TGM4: variants seen among roughly 807,000 people sequenced by gnomAD.
TGM4 encodes protein-glutamine gamma-glutamyltransferase 4.
In TGM4, 61 loss-of-function variants were observed where a neutral mutation model predicts 76.3. The observed-to-expected ratio is 0.80, with a 90% confidence interval of 0.65 to 0.99. The LOEUF is 0.99. Ranked by LOEUF, TGM4 falls within the 50% of genes least tolerant of loss-of-function variation. The pLI, the probability that TGM4 is intolerant of heterozygous loss-of-function variation, is 0.00. For synonymous variants in TGM4, 337 were observed against 329.8 expected, an observed-to-expected ratio of 1.02 and a Z score of -0.24; for missense variants, 794 against 843.2, an observed-to-expected ratio of 0.94 and a Z score of 0.72.
chr3:44,913,699 C>A lies in TGM4; in HGVS notation c.2029C>A (p.Gln677Lys), dbSNP rs1222030916. The change falls in exon 14 of 14, where the codon CAG (glutamine) becomes AAG (lysine). Residue 677 changes from glutamine (Q) to lysine (K), a missense_variant. Gln to Lys is a moderately conservative substitution (Grantham distance 53, BLOSUM62 1). Transcript: ENST00000296125. Reference protein sequence around the residue: ...SSKQVKEINAQKIVLITK With the variant: ...SSKQVKEINAKKIVLITK The stretch of plus-strand genomic sequence containing the variant: ...CAAACAAGTGAAAGAGATTAATGCT[C>A]AGAAGATTGTTCTCATCACCAAGTA... 1.9e-6 allele frequency: 3 copies of A among 1,614,034 alleles called. No individual in the cohort carries two copies. In the Admixed American group the frequency reaches 5.0e-5, roughly 27 times the overall value.
intron 5 of TGM4, 43 bp from the exon 6 acceptor site, chr3:44,896,666 A>C: frequency 1.3e-6 from 2 of 1,592,656 alleles, no homozygotes; most frequent in South Asian, 2.2e-5. Context: ...TTTCTGACAC[A>C]GGGCAAAGTC....
At chr3:44,896,949 T>C in intron 6 of TGM4, 133 bp downstream of exon 6, 1 of 603,620 alleles carries the variant, frequency 1.7e-6, no homozygotes, top group Non-Finnish European at 2.9e-6. Flanking sequence ...TGTTCAAAAC[T>C]ATTAAGAAAT....
At chr3:44,880,040 C>T (rs1331524241) in intron 1 of TGM4, among the ~76,000 whole-genome samples, 1 of 151,970 alleles carries the variant, frequency 6.6e-6, no homozygotes, top group African/African-American at 2.4e-5. Context: ...CTCAAGGGAT[C>T]CCCCTGCCTC....
chr3:44,911,891 G>C (rs573896743), intron 13 of TGM4, among the ~76,000 whole-genome samples: 1 of 152,164 alleles, frequency 6.6e-6, no homozygotes, highest in Non-Finnish European at 1.5e-5. Context: ...GCAGTGACAC[G>C]ATCTTGGCTC....
chr3:44,897,945 G>A (rs550565751), intron 6 of TGM4, among the ~76,000 whole-genome samples: 57 of 152,256 alleles, frequency 3.7e-4, no homozygotes, highest in Middle Eastern at 3.4e-3. Context: ...GTTTTAGTTG[G>A]AATATATGAA....
chr3:44,913,734 G>A lies in TGM4; in HGVS notation c.*9G>A. 3 of 1,610,456 alleles carry A rather than the reference G, an allele frequency of 1.9e-6. No individual in the cohort carries two copies. The highest frequency in any genetic ancestry group is 2.5e-6 in the Non-Finnish European group (3 of 1,178,530). ...TTCTCATCACCAAGTAGCCTTGTCTGATGCTGTGGAGCCTTAGTTGAGATT... is the reference window on the plus strand; with the variant it reads ...TTCTCATCACCAAGTAGCCTTGTCTAATGCTGTGGAGCCTTAGTTGAGATT... On this transcript the variant is annotated 3_prime_UTR_variant, in exon 14 of 14. Coordinates refer to ENST00000296125, the MANE Select transcript of TGM4 (RefSeq NM_003241.4).
In TGM4 at chr3:44,875,772, CCTT is replaced by C. The variant is rs553979510; in HGVS notation, c.19+1079_19+1081del. ...CTAAGCCAGACCCTCCTAGTTTCCA[CCTT>C]CTTTTTTGGAGGGTGACATTGCGAA... On this transcript the variant is annotated intron_variant, in intron 1 of 13. Transcript: ENST00000296125. 1.2e-4 allele frequency among the ~76,000 whole-genome samples: 18 copies of C among 152,208 alleles called. 1 individual carries two copies. Among genetic ancestry groups the C allele is most frequent in the Non-Finnish European group, 2.4e-4 (16 of 68,036 alleles).
chr3:44,882,842 C>A (rs112953391), intron 1 of TGM4, among the ~76,000 whole-genome samples: 1 of 152,228 alleles, frequency 6.6e-6, no homozygotes. Flanking sequence ...TGATGGCCTG[C>A]ATTTTGTCGA....
intron 1 of TGM4, among the ~76,000 whole-genome samples, chr3:44,884,554 G>A (rs949175773): frequency 8.5e-5 from 13 of 152,056 alleles, no homozygotes; most frequent in African/African-American, 3.1e-4. Flanking sequence ...GCTTGATCTC[G>A]GCTCCTGATC....
chr3:44,879,368 G>A (rs1478126410), intron 1 of TGM4, among the ~76,000 whole-genome samples: 2 of 150,794 alleles, frequency 1.3e-5, no homozygotes, highest in African/African-American at 4.9e-5. Context: ...GTGCCATGGC[G>A]TGATCTCGGC....
At chr3:44,888,691 A>G (rs1699646283) in intron 3 of TGM4, 1 of 152,206 alleles carries the variant, frequency 6.6e-6, no homozygotes. Flanking sequence ...ACACACATAA[A>G]GGACACAAAT....
At chr3:44,899,978 T>C (rs1699830453) in intron 6 of TGM4, among the ~76,000 whole-genome samples, 1 of 152,108 alleles carries the variant, frequency 6.6e-6, no homozygotes, top group African/African-American at 2.4e-5. Flanking sequence ...ATTCTGTTGG[T>C]TAGAAGTGAG....
intron 1 of TGM4, among the ~76,000 whole-genome samples, chr3:44,879,351 G>A (rs1229570995): frequency 2.0e-5 from 3 of 149,956 alleles, no homozygotes; most frequent in Non-Finnish European, 4.4e-5. Flanking sequence ...TTATTGCCCA[G>A]GCTAGAGTGC....
In TGM4 at chr3:44,913,908, C is replaced by G. The variant is rs1264395907; in HGVS notation, c.*183C>G. On this transcript the variant is annotated 3_prime_UTR_variant, in exon 14 of 14. Coordinates refer to ENST00000296125, the MANE Select transcript of TGM4 (RefSeq NM_003241.4). ...CACAAGGCCAGGTCCTGTGCTATCA[C>G]AGGGTCACCTCTTTTACAGTTAGAA... The G allele has an allele frequency of 8.7e-6, 6 of 690,754 alleles. No homozygotes were observed. In the African/African-American group the frequency reaches 1.1e-4, roughly 13 times the overall value. 42.8% of individuals were successfully genotyped at this position (690,754 alleles called of 1,614,324 possible).
At position 44,913,597 on chromosome 3, in the gene TGM4, G is replaced by A. The variant is rs1700037998; in HGVS notation, c.1927G>A (p.Gly643Ser). ...QTSDHGTVQP[G>S]ETIQSQIKCT... ...TGAATTTTCCAGGACGGTGCAGCCTGGTGAGACCATCCAATCCCAAATAAA... is the reference window on the plus strand; with the variant it reads ...TGAATTTTCCAGGACGGTGCAGCCTAGTGAGACCATCCAATCCCAAATAAA... Residue 643 changes from glycine to serine, a missense_variant, in exon 14 of 14, where the codon GGT (glycine) becomes AGT (serine). By Grantham distance (56) the Gly-to-Ser change is moderately conservative. Transcript: ENST00000296125. 1 of 1,614,036 alleles carries A rather than the reference G, an allele frequency of 6.2e-7. No individual in the cohort carries two copies. The highest frequency in any genetic ancestry group is 8.5e-7 in the Non-Finnish European group (1 of 1,179,968).
intron 3 of TGM4, among the ~76,000 whole-genome samples, chr3:44,890,116 A>G (rs1460118926): frequency 6.6e-6 from 1 of 152,190 alleles, no homozygotes; most frequent in Non-Finnish European, 1.5e-5. Flanking sequence ...TCATGAGAAC[A>G]GCATGGGGGA....
chr3:44,876,594 C>T (rs574747731), intron 1 of TGM4: 1 of 152,132 alleles, frequency 6.6e-6, no homozygotes, highest in African/African-American at 2.4e-5. Context: ...CATGGCTTAT[C>T]CCACAACGAA....
chr3:44,879,824 G>T (rs1421484767), intron 1 of TGM4, among the ~76,000 whole-genome samples: 1 of 150,706 alleles, frequency 6.6e-6, no homozygotes, highest in Non-Finnish European at 1.5e-5. Context: ...TTGAAATAAG[G>T]TCTCACCCTG....
At chr3:44,896,982 G>A (rs1380990290) in intron 6 of TGM4, among the ~76,000 whole-genome samples, 166 bp downstream of exon 6, 2 of 150,370 alleles carry the variant, frequency 1.3e-5, no homozygotes, top group East Asian at 4.0e-4. Flanking sequence ...AATCTGTTCT[G>A]AGCGCAGGTT....
Sources: allele counts gnomAD v4.1 joint callset (sites outside exome capture counted in the v4.1 genomes callset), GRCh38; gene constraint gnomAD v4.1.1; transcripts MANE v1.5; gene names NCBI Gene and HGNC (gene_info 2026-07-23, HGNC 2026-07-21).